Variants in PIWIL2 observed in about 807,000 individuals in gnomAD.
The protein encoded by PIWIL2 is piwi-like protein 2.
A neutral mutation model predicts 116.5 loss-of-function variants in PIWIL2; 81 were observed. That is an observed-to-expected ratio of 0.70 (90% CI 0.58 to 0.84). The LOEUF (loss-of-function observed/expected upper bound fraction) is 0.84, where lower values mean the gene tolerates loss of function less well. Among genes scored for constraint, PIWIL2 ranks in the 40% least tolerant of loss-of-function variants. The pLI is 0.00. For missense variants in PIWIL2, 1,272 were observed against 1,212.3 expected, an observed-to-expected ratio of 1.05 and a Z score of -0.73; for synonymous variants, 489 against 429.5, an observed-to-expected ratio of 1.14 and a Z score of -1.71.
Position 22,354,464 on chromosome 8 carries a change from A to T in PIWIL2, c.2765+86A>T, listed in dbSNP as rs1563439474. ...ATGGGCTCACTGTTCACCCCAAAAT[A>T]TATTTACCTCTTGACTTTTCTTCAT... On this transcript the variant is annotated intron_variant, in intron 22 of 22. Coordinates refer to ENST00000356766, the MANE Select transcript of PIWIL2 (RefSeq NM_018068.5). The T allele has an allele frequency of 9.4e-6, 7 of 746,980 alleles. No homozygotes were observed. The Admixed American group carries it at 1.2e-4, about 13-fold the overall frequency. The allele number at this position is 746,980 out of a possible 1,614,324, so 46.3% of individuals were successfully genotyped here. A position where few individuals can be genotyped will look rare whatever the true frequency, so the allele number is the denominator to read the frequency against.
intron 1 of PIWIL2, among the ~76,000 whole-genome samples, chr8:22,276,949 CAG>C (rs761874822): frequency 4.6e-5 from 7 of 151,790 alleles, no homozygotes; most frequent in Non-Finnish European, 7.4e-5. Flanking sequence ...TTTCAGGAAT[CAG>C]GGGCAAGTCA....
At chr8:22,333,623 C>CA (rs934236870) in intron 20 of PIWIL2, among the ~76,000 whole-genome samples, 5 of 151,414 alleles carry the variant, frequency 3.3e-5, no homozygotes, top group South Asian at 2.1e-4. Flanking sequence ...AAAAAACAAA[C>CA]AAAAAAAATG....
intron 16 of PIWIL2, among the ~76,000 whole-genome samples, chr8:22,311,943 A>T (rs77768417): frequency 0.05 from 7,545 of 152,188 alleles, 291 homozygotes; most frequent in Admixed American, 0.086. Flanking sequence ...GGCATCATAG[A>T]GTTCTTTTTT....
At chr8:22,350,611 A>G (rs750894251) in intron 20 of PIWIL2, among the ~76,000 whole-genome samples, 2 of 152,148 alleles carry the variant, frequency 1.3e-5, no homozygotes, top group Non-Finnish European at 1.5e-5. Context: ...AAATAAATAA[A>G]AAGTACCACA....
intron 20 of PIWIL2, among the ~76,000 whole-genome samples, chr8:22,324,478 T>TA (rs1261350962): frequency 1.3e-5 from 2 of 152,116 alleles, no homozygotes; most frequent in East Asian, 3.9e-4. Flanking sequence ...AGAGCAGTGT[T>TA]ACACAGGTAC....
chr8:22,314,176 T>C lies in PIWIL2; in HGVS notation c.1990-152T>C, dbSNP rs1431848076. 3 of 425,290 alleles carry C rather than the reference T, an allele frequency of 7.1e-6. No homozygotes were observed. The South Asian group carries it at 2.7e-4, about 38-fold the overall frequency. The allele number at this position is 425,290 out of a possible 1,614,324, so 26.3% of individuals were successfully genotyped here. Reference sequence around the variant, plus strand: ...TGCTAATTCAGCTCCAAGGACCTTGTTCTGGTTGGAATGTCCACCCTCTTT... The same window carrying C: ...TGCTAATTCAGCTCCAAGGACCTTGCTCTGGTTGGAATGTCCACCCTCTTT... On this transcript the variant is annotated intron_variant, in intron 16 of 22. Coordinates refer to ENST00000356766, the MANE Select transcript of PIWIL2 (RefSeq NM_018068.5).
intron 20 of PIWIL2, among the ~76,000 whole-genome samples, chr8:22,319,663 G>A (rs1054158860): frequency 1.4e-4 from 22 of 152,176 alleles, no homozygotes; most frequent in African/African-American, 5.3e-4. Flanking sequence ...ACAGCCGAGG[G>A]CTCCATTTCT....
chr8:22,333,211 TTAATG>T (rs1211589660), intron 20 of PIWIL2, among the ~76,000 whole-genome samples: 3 of 151,918 alleles, frequency 2.0e-5, no homozygotes, highest in Non-Finnish European at 2.9e-5. Context: ...CAAAATAAAT[TTAATG>T]TAAGAAGAAT....
chr8:22,335,644 T>A (rs1586589371), intron 20 of PIWIL2, among the ~76,000 whole-genome samples: 1 of 149,764 alleles, frequency 6.7e-6, no homozygotes, highest in South Asian at 2.1e-4. Flanking sequence ...GCCTCCTGGG[T>A]TCAAGTAATT....
chr8:22,344,242 A>G (rs912508211), intron 20 of PIWIL2, among the ~76,000 whole-genome samples: 1 of 152,214 alleles, frequency 6.6e-6, no homozygotes, highest in Non-Finnish European at 1.5e-5. Flanking sequence ...AATAGGTGGC[A>G]CACAGGATTT....
At chr8:22,339,898 G>T (rs1442781192) in intron 20 of PIWIL2, among the ~76,000 whole-genome samples, 1 of 152,030 alleles carries the variant, frequency 6.6e-6, no homozygotes, top group Non-Finnish European at 1.5e-5. Context: ...AGGGAATTGG[G>T]AATCAAAGCC....
At chr8:22,307,147 G>A (rs566769042) in intron 13 of PIWIL2, among the ~76,000 whole-genome samples, 14 of 152,234 alleles carry the variant, frequency 9.2e-5, no homozygotes, top group African/African-American at 3.4e-4. Flanking sequence ...CTCACACATG[G>A]CATTTTTTAC....
At chr8:22,335,829 GATTAC>G (rs1831968603) in intron 20 of PIWIL2, among the ~76,000 whole-genome samples, 1 of 152,120 alleles carries the variant, frequency 6.6e-6, no homozygotes, top group Non-Finnish European at 1.5e-5. Context: ...AAAGTGGTGG[GATTAC>G]AGGCGTGAGC....
intron 20 of PIWIL2, among the ~76,000 whole-genome samples, chr8:22,325,430 G>A (rs2132070587): frequency 6.7e-6 from 1 of 149,098 alleles, no homozygotes; most frequent in Non-Finnish European, 1.5e-5. Flanking sequence ...TCTTTGGTTT[G>A]AAGAAATGGG....
At chr8:22,336,532 T>C (rs562343779) in intron 20 of PIWIL2, among the ~76,000 whole-genome samples, 1 of 151,982 alleles carries the variant, frequency 6.6e-6, no homozygotes, top group African/African-American at 2.4e-5. Context: ...AAGAAGAATC[T>C]AAAAACAAAC....
intron 20 of PIWIL2, among the ~76,000 whole-genome samples, chr8:22,333,229 A>G (rs573009532): frequency 6.6e-6 from 1 of 152,318 alleles, no homozygotes; most frequent in East Asian, 1.9e-4. Flanking sequence ...AGAAGAATAC[A>G]GGTAAATAAA....
intron 20 of PIWIL2, among the ~76,000 whole-genome samples, chr8:22,326,672 C>CT (rs1428621253): frequency 2.6e-5 from 4 of 152,152 alleles, no homozygotes; most frequent in Non-Finnish European, 4.4e-5. Context: ...TATATTAATA[C>CT]TTTTTTCCTT....
Position 22,288,529 on chromosome 8 carries a change from A to T in PIWIL2, c.862-13A>T. 6.2e-7 allele frequency: 1 copy of T among 1,608,232 alleles called. No homozygotes were observed. The highest frequency in any genetic ancestry group is 8.5e-7 in the Non-Finnish European group (1 of 1,175,724). ...TTGTCATTTTGTTTCACCTGTGTGT[A>T]TTTATTTGTTAGGTTCTTGAGTTAA... On this transcript the variant is annotated splice_polypyrimidine_tract_variant and intron_variant, in intron 7 of 22. Coordinates refer to ENST00000356766, the MANE Select transcript of PIWIL2 (RefSeq NM_018068.5).
chr8:22,351,808 G>A (rs560578357), intron 20 of PIWIL2, among the ~76,000 whole-genome samples: 33 of 151,526 alleles, frequency 2.2e-4, no homozygotes, highest in African/African-American at 7.7e-4. Context: ...GAGAGTGCTG[G>A]GATTACAGGC....
Sources: allele counts gnomAD v4.1 joint callset (sites outside exome capture counted in the v4.1 genomes callset), GRCh38; gene constraint gnomAD v4.1.1; transcripts MANE v1.5; gene names NCBI Gene and HGNC (gene_info 2026-07-23, HGNC 2026-07-21).